The following SND1 variants were observed in gnomAD, a reference collection of about 807,000 sequenced individuals.
SND1 encodes the protein staphylococcal nuclease and tudor domain containing 1.
Under a neutral mutation model 121.7 loss-of-function variants are expected in SND1, and 38 were observed. The ratio of observed to expected loss-of-function variants is 0.31; its 90% CI spans 0.24 to 0.41. The LOEUF (loss-of-function observed/expected upper bound fraction) is 0.41, where lower values mean the gene tolerates loss of function less well. SND1 is among the 10% of genes least tolerant of loss of function. The pLI is 1.00. For missense variants in SND1, 868 were observed against 1,184.6 expected (o/e 0.73, Z 3.92); for synonymous variants, 401 against 447.4 (o/e 0.90, Z 1.31).
intron 11 of SND1, among the ~76,000 whole-genome samples, chr7:127,817,424 T>C (rs1798464128): frequency 1.3e-5 from 2 of 152,200 alleles, no homozygotes; most frequent in African/African-American, 4.8e-5. Flanking sequence ...CTGTTTCTTC[T>C]GTCTATGCCA....
intron 14 of SND1, among the ~76,000 whole-genome samples, chr7:127,909,390 C>G (rs1012985370): frequency 2.6e-5 from 4 of 151,938 alleles, no homozygotes; most frequent in African/African-American, 9.7e-5. Context: ...TGTCACATAG[C>G]ACTTTTTTAT....
At chr7:127,680,999 C>T (rs998792120) in intron 1 of SND1, among the ~76,000 whole-genome samples, 8 of 152,128 alleles carry the variant, frequency 5.3e-5, no homozygotes, top group African/African-American at 1.4e-4. Flanking sequence ...TCCCTCCGTT[C>T]GGGGTGCCTG....
intron 11 of SND1, among the ~76,000 whole-genome samples, chr7:127,841,267 G>GT (rs199750392): frequency 0.011 from 1,687 of 147,842 alleles, 19 homozygotes; most frequent in Non-Finnish European, 0.013. Flanking sequence ...GATTAACTTA[G>GT]TTTTTTTTTT....
intron 12 of SND1, among the ~76,000 whole-genome samples, chr7:127,867,102 G>C (rs1799492162): frequency 6.6e-6 from 1 of 152,084 alleles, no homozygotes; most frequent in Non-Finnish European, 1.5e-5. Context: ...TCATAGCCAA[G>C]TTAATTAGAA....
At chr7:127,729,426 T>G (rs1796635001) in intron 10 of SND1, among the ~76,000 whole-genome samples, 1 of 145,994 alleles carries the variant, frequency 6.8e-6, no homozygotes, top group East Asian at 2.0e-4. Flanking sequence ...CTACACTGTG[T>G]TTAGATAAAT....
intron 12 of SND1, among the ~76,000 whole-genome samples, chr7:127,864,653 A>G (rs767164787): frequency 1.3e-5 from 2 of 152,054 alleles, no homozygotes; most frequent in Non-Finnish European, 2.9e-5. Context: ...TTCAGTGCTG[A>G]CTAACCCTTT....
chr7:127,695,139 C>G (rs1476553064), intron 3 of SND1, among the ~76,000 whole-genome samples, 191 bp downstream of exon 3: 1 of 152,152 alleles, frequency 6.6e-6, no homozygotes, highest in Non-Finnish European at 1.5e-5. Flanking sequence ...CCCCGGTGTT[C>G]CTGTTCCTTG....
intron 10 of SND1, among the ~76,000 whole-genome samples, chr7:127,741,387 GT>G (rs1266726572): frequency 6.6e-6 from 1 of 152,010 alleles, no homozygotes; most frequent in African/African-American, 2.4e-5. Context: ...TCCTTTACCT[GT>G]TTGTTTTTTG....
intron 10 of SND1, among the ~76,000 whole-genome samples, chr7:127,788,991 T>C (rs1191157081): frequency 6.6e-6 from 1 of 152,226 alleles, no homozygotes; most frequent in Non-Finnish European, 1.5e-5. Flanking sequence ...TTGGTCTATA[T>C]GTTAAGCTGT....
intron 13 of SND1, 74 bp downstream of exon 13, chr7:127,888,086 C>T (rs1002236779): frequency 3.4e-6 from 3 of 880,388 alleles, no homozygotes; most frequent in Non-Finnish European, 5.5e-6. Flanking sequence ...TGTGCCTATA[C>T]CTGAGCAGAA....
At chr7:127,805,733 TG>T (rs891478791) in intron 10 of SND1, among the ~76,000 whole-genome samples, 3 of 152,240 alleles carry the variant, frequency 2.0e-5, no homozygotes, top group African/African-American at 7.2e-5. Context: ...TAGGAAAAAA[TG>T]TAATATCTGC....
intron 1 of SND1, among the ~76,000 whole-genome samples, chr7:127,668,694 C>T (rs531906570): frequency 2.0e-5 from 3 of 152,260 alleles, no homozygotes; most frequent in East Asian, 3.9e-4. Flanking sequence ...AAAGCCGAAC[C>T]CCTAAGAGCA....
Position 128,029,359 on chromosome 7 carries a change from T to C in SND1, c.1779+38303T>C. 5 of 1,614,182 alleles carry C rather than the reference T, an allele frequency of 3.1e-6. No individual in the cohort carries two copies. The highest frequency in any genetic ancestry group is 4.2e-6 in the Non-Finnish European group (5 of 1,180,034). ...GAGGCGTTGGAGTTGCCTGCAACAT[T>C]GGTCACCATGCATGTGTACACCCCA... On this transcript the variant is annotated intron_variant, in intron 16 of 23. Coordinates refer to ENST00000354725, the MANE Select transcript of SND1 (RefSeq NM_014390.4). The surrounding 1 kb of genome is among the most constrained non-coding windows in gnomAD (Gnocchi z 4.2).
At chr7:127,878,964 TATCGATG>T (rs200633628) in intron 12 of SND1, among the ~76,000 whole-genome samples, 1,730 of 152,080 alleles carry the variant, frequency 0.011, 34 homozygotes, top group Middle Eastern at 0.041. Flanking sequence ...GGGACAAAAA[TATCGATG>T]ATCCAGATTC....
At chr7:127,759,690 C>T (rs545912845) in intron 10 of SND1, among the ~76,000 whole-genome samples, 20 of 134,406 alleles carry the variant, frequency 1.5e-4, no homozygotes, top group African/African-American at 4.0e-4. Context: ...TACATCCATA[C>T]GTATATTTAT....
intron 11 of SND1, among the ~76,000 whole-genome samples, chr7:127,823,279 T>C (rs1162548217): frequency 6.6e-6 from 1 of 152,154 alleles, no homozygotes; most frequent in Non-Finnish European, 1.5e-5. Flanking sequence ...TGCGTGTCCC[T>C]CTTTAGGAAG....
intron 13 of SND1, among the ~76,000 whole-genome samples, chr7:127,898,505 G>T (rs1437381823): frequency 6.6e-6 from 1 of 152,098 alleles, no homozygotes; most frequent in Non-Finnish European, 1.5e-5. Flanking sequence ...CAGGAGAAAG[G>T]CCGAAGGAAT....
intron 16 of SND1, among the ~76,000 whole-genome samples, chr7:128,023,632 A>G (rs559473724): frequency 1.3e-5 from 2 of 152,306 alleles, no homozygotes; most frequent in African/African-American, 4.8e-5. Context: ...CATGTTTTTC[A>G]CAGTGATCGG....
intron 16 of SND1, among the ~76,000 whole-genome samples, chr7:128,034,065 G>A (rs1474454348): frequency 2.6e-5 from 4 of 152,190 alleles, no homozygotes; most frequent in Non-Finnish European, 5.9e-5. Flanking sequence ...CTTGCCCAAG[G>A]TCACACACTA....
Sources: gnomAD v4.1 joint callset for allele counts (sites outside exome capture counted in the v4.1 genomes callset) on GRCh38, gnomAD v4.1.1 for gene constraint, Gnocchi (gnomAD v3.1) non-coding constraint, MANE v1.5 for transcripts, NCBI Gene and HGNC (gene_info 2026-07-23, HGNC 2026-07-21) for gene names.